PLXDC2: variants seen among roughly 807,000 people sequenced by gnomAD.
PLXDC2 encodes plexin domain containing 2, also known as plexin domain-containing protein 2.
Under a neutral mutation model 68.9 loss-of-function variants are expected in PLXDC2, and 40 were observed. The ratio of observed to expected loss-of-function variants is 0.58; its 90% CI spans 0.45 to 0.76. The LOEUF is 0.76. Ranked by LOEUF, PLXDC2 falls within the 30% of genes least tolerant of loss-of-function variation. PLXDC2 has a pLI of 0.00. For missense variants in PLXDC2, 644 were observed against 661.9 expected, an observed-to-expected ratio of 0.97 and a Z score of 0.30; for synonymous variants, 243 against 234.2, an observed-to-expected ratio of 1.04 and a Z score of -0.34.
At chr10:20,098,383 G>GTGTGTGTGTGTGTGTGTGTT (rs1564314509) in intron 4 of PLXDC2, among the ~76,000 whole-genome samples, 1 of 150,370 alleles carries the variant, frequency 6.7e-6, no homozygotes, top group South Asian at 2.1e-4. Flanking sequence ...GTGTGTGTGT[G>GTGTGTGTGTGTGTGTGTGTT]TATGTATGTA....
intron 4 of PLXDC2, among the ~76,000 whole-genome samples, chr10:20,140,866 G>T (rs1175747408): frequency 4.6e-5 from 7 of 151,654 alleles, no homozygotes; most frequent in Non-Finnish European, 1.0e-4. Flanking sequence ...CCTTCTTGGG[G>T]TTTTTATTTT....
intron 1 of PLXDC2, among the ~76,000 whole-genome samples, chr10:19,989,868 G>A (rs1177273070): frequency 3.3e-5 from 5 of 151,494 alleles, no homozygotes; most frequent in African/African-American, 1.2e-4. Context: ...TCCTGCCTCA[G>A]CCTCACGAGT....
At chr10:20,114,950 T>C (rs1833603171) in intron 4 of PLXDC2, among the ~76,000 whole-genome samples, 1 of 152,192 alleles carries the variant, frequency 6.6e-6, no homozygotes, top group African/African-American at 2.4e-5. Context: ...AATACAAAGA[T>C]GAGTAAACTG....
At chr10:20,160,737 G>C (rs1834279885) in intron 6 of PLXDC2, among the ~76,000 whole-genome samples, 1 of 152,072 alleles carries the variant, frequency 6.6e-6, no homozygotes, top group Non-Finnish European at 1.5e-5. Context: ...ATAAACTAAA[G>C]AGACAGAAGA....
intron 1 of PLXDC2, among the ~76,000 whole-genome samples, chr10:19,966,430 G>T (rs142868101): frequency 2.7e-5 from 4 of 150,182 alleles, no homozygotes; most frequent in Non-Finnish European, 4.4e-5. Context: ...AAATATATAT[G>T]TGCACATATA....
intron 10 of PLXDC2, among the ~76,000 whole-genome samples, chr10:20,216,285 C>G (rs1249182042): frequency 6.6e-6 from 1 of 152,058 alleles, no homozygotes; most frequent in East Asian, 1.9e-4. Flanking sequence ...AAAAGGATAA[C>G]TGAGCTTATG....
At chr10:20,081,918 G>A (rs919858082) in intron 4 of PLXDC2, among the ~76,000 whole-genome samples, 4 of 151,852 alleles carry the variant, frequency 2.6e-5, no homozygotes, top group Admixed American at 2.0e-4. Context: ...GGTGGCGCAT[G>A]CCTGTAGTGC....
rs11315173 is a variant in PLXDC2 at position 20,084,880 on chromosome 10, G to GA, written c.541+16656dup. Reference sequence around the variant, plus strand: ...GGTGCTCACGAAGGCCGTGGCAGAGGAAAAAAAAAAAAAAATAACATGAGT... The same window carrying GA: ...GGTGCTCACGAAGGCCGTGGCAGAGGAAAAAAAAAAAAAAAATAACATGAGT... On this transcript the variant is annotated intron_variant, in intron 4 of 13. Coordinates refer to ENST00000377252, the MANE Select transcript of PLXDC2 (RefSeq NM_032812.9). 4.3e-3 allele frequency among the ~76,000 whole-genome samples: 599 copies of GA among 139,996 alleles called. 3 individuals carry two copies. Among genetic ancestry groups the GA allele is most frequent in the Middle Eastern group, 0.011 (3 of 272 alleles). 91.8% of individuals were successfully genotyped at this position (139,996 alleles called of 152,430 possible).
In PLXDC2 at chr10:20,001,128, G is replaced by A. The variant is rs144184714; in HGVS notation, c.113-647G>A. ...TCACTGTCATCCTTTAGACCCTGAC[G>A]AGATTTCAAGGTGAGAACGGCACAG... is the stretch of plus-strand genomic sequence containing the variant. On this transcript the variant is annotated intron_variant, in intron 1 of 13. Transcript: ENST00000377252. 1.2e-4 allele frequency among the ~76,000 whole-genome samples: 18 copies of A among 152,258 alleles called. No individual in the cohort carries two copies. The East Asian group carries it at 2.9e-3, about 25-fold the overall frequency.
intron 4 of PLXDC2, among the ~76,000 whole-genome samples, chr10:20,115,796 C>T (rs981725420): frequency 6.6e-6 from 1 of 151,892 alleles, no homozygotes; most frequent in African/African-American, 2.4e-5. Flanking sequence ...ATAGGCTTGC[C>T]CCAGTTTCGT....
intron 1 of PLXDC2, among the ~76,000 whole-genome samples, chr10:19,963,538 G>T (rs1002635773): frequency 6.6e-6 from 1 of 152,068 alleles, no homozygotes; most frequent in African/African-American, 2.4e-5. Context: ...TCCTTTGTAG[G>T]GGCATGGATG....
intron 7 of PLXDC2, among the ~76,000 whole-genome samples, chr10:20,175,462 G>T (rs888501038): frequency 6.6e-6 from 1 of 152,158 alleles, no homozygotes; most frequent in African/African-American, 2.4e-5. Flanking sequence ...TAGGAGGATT[G>T]CTTGAGCCCA....
intron 9 of PLXDC2, among the ~76,000 whole-genome samples, chr10:20,184,135 T>C (rs1202334455): frequency 6.6e-6 from 1 of 151,776 alleles, no homozygotes; most frequent in East Asian, 1.9e-4. Flanking sequence ...AAAAAAGATA[T>C]TTCCTAACAA....
chr10:19,967,295 A>G (rs1390456380), intron 1 of PLXDC2, among the ~76,000 whole-genome samples: 1 of 152,190 alleles, frequency 6.6e-6, no homozygotes, highest in Non-Finnish European at 1.5e-5. Context: ...GATTTTTATA[A>G]GATATGCCTA....
intron 12 of PLXDC2, among the ~76,000 whole-genome samples, chr10:20,226,210 C>T (rs376852698): frequency 2.6e-5 from 4 of 152,114 alleles, no homozygotes; most frequent in Non-Finnish European, 5.9e-5. Flanking sequence ...CTTACTCTGC[C>T]GGGGAAAGGA....
intron 9 of PLXDC2, among the ~76,000 whole-genome samples, chr10:20,185,500 G>C (rs912235044): frequency 1.3e-5 from 2 of 151,840 alleles, no homozygotes; most frequent in Non-Finnish European, 2.9e-5. Flanking sequence ...ATTGAAAGGA[G>C]AGAATTAGGA....
Position 19,886,229 on chromosome 10 carries a change from G to T in PLXDC2, c.112+69038G>T, listed in dbSNP as rs562410105. 5.4e-3 allele frequency among the ~76,000 whole-genome samples: 819 copies of T among 152,224 alleles called. 6 individuals carry two copies. The highest frequency in any genetic ancestry group is 0.019 in the African/African-American group (789 of 41,528). On this transcript the variant is annotated intron_variant, in intron 1 of 13. Transcript: ENST00000377252. ...TGTATCCTGAGACTTCGCTGAAGTT[G>T]CTTATCAGCTTAAGGAGATTTTGGG...
intron 4 of PLXDC2, among the ~76,000 whole-genome samples, chr10:20,141,322 A>G (rs1054217987): frequency 6.6e-6 from 1 of 152,088 alleles, no homozygotes; most frequent in Non-Finnish European, 1.5e-5. Context: ...GAAGTGTCTG[A>G]AATCATCAAT....
intron 9 of PLXDC2, among the ~76,000 whole-genome samples, chr10:20,206,862 A>T: frequency 6.8e-6 from 1 of 147,842 alleles, no homozygotes; most frequent in African/African-American, 2.7e-5. Flanking sequence ...ACACACACAC[A>T]CACACACACA....
Sources: gnomAD v4.1 joint callset for allele counts (sites outside exome capture counted in the v4.1 genomes callset) on GRCh38, gnomAD v4.1.1 for gene constraint, MANE v1.5 for transcripts, NCBI Gene and HGNC (gene_info 2026-07-23, HGNC 2026-07-21) for gene names.